Variants in DAPK1 observed in about 807,000 individuals in gnomAD.
DAPK1 encodes the protein death associated protein kinase 1, also known as death-associated protein kinase 1.
Under a neutral mutation model 144.9 loss-of-function variants are expected in DAPK1, and 56 were observed. The observed-to-expected ratio is 0.39, with a 90% CI of 0.31 to 0.48. The LOEUF is 0.48. Among genes scored for constraint, DAPK1 ranks in the 20% least tolerant of loss-of-function variants. DAPK1 has a pLI of 0.95. For synonymous variants in DAPK1, 690 were observed against 749.0 expected, an observed-to-expected ratio of 0.92 and a Z score of 1.29; for missense variants, 1,454 against 1,875.4, an observed-to-expected ratio of 0.78 and a Z score of 4.15.
chr9:87,546,428 C>T (rs1563985704), intron 2 of DAPK1, among the ~76,000 whole-genome samples: 1 of 152,052 alleles, frequency 6.6e-6, no homozygotes. Context: ...GGCATCTGAC[C>T]CTTGGTTGGT....
chr9:87,703,872 C>T (rs1825544217), intron 25 of DAPK1, among the ~76,000 whole-genome samples: 1 of 152,198 alleles, frequency 6.6e-6, no homozygotes, highest in African/African-American at 2.4e-5. Context: ...GGAACGGGGG[C>T]AGTGCCTTCG....
rs375229245 is a variant in DAPK1, at chr9:87,628,793, A to AT, written c.285-9149dup. Among the ~76,000 whole-genome samples, 403 of 152,312 alleles carry AT rather than the reference A, an allele frequency of 2.6e-3. 1 individual carries two copies. The highest frequency in any genetic ancestry group is 9.0e-3 in the African/African-American group (376 of 41,574). On this transcript the variant is annotated intron_variant, in intron 3 of 25. Coordinates refer to ENST00000408954, the MANE Select transcript of DAPK1 (RefSeq NM_004938.4). ...AAACCCCAAGGAGAGCACCAGATAT[A>AT]TATTTCTCATCCACATTTTTCTGAC...
At chr9:87,540,659 C>T (rs568973993) in intron 2 of DAPK1, among the ~76,000 whole-genome samples, 9 of 152,236 alleles carry the variant, frequency 5.9e-5, no homozygotes, top group South Asian at 4.1e-4. Context: ...TACGAGGTAA[C>T]CTTTTCCTGA....
At chr9:87,674,316 T>C (rs1824280447) in intron 19 of DAPK1, among the ~76,000 whole-genome samples, 1 of 151,910 alleles carries the variant, frequency 6.6e-6, no homozygotes, top group African/African-American at 2.4e-5. Context: ...CTGGCCAACA[T>C]GGTGAAACCC....
intron 2 of DAPK1, among the ~76,000 whole-genome samples, chr9:87,560,333 T>G (rs1017515284): frequency 3.3e-5 from 5 of 152,206 alleles, no homozygotes; most frequent in Admixed American, 2.6e-4. Flanking sequence ...AAAGTTTATT[T>G]TAATATGTGG....
intron 2 of DAPK1, among the ~76,000 whole-genome samples, chr9:87,566,003 C>G (rs936532809): frequency 2.0e-5 from 3 of 149,696 alleles, no homozygotes; most frequent in Admixed American, 6.7e-5. Flanking sequence ...AACCTTTTGT[C>G]TCTCTGTCTC....
chr9:87,636,029 A>T (rs1245667612), intron 3 of DAPK1, among the ~76,000 whole-genome samples: 1 of 152,172 alleles, frequency 6.6e-6, no homozygotes, highest in Non-Finnish European at 1.5e-5. Context: ...GTTTGTTTTA[A>T]GAATAAGATG....
chr9:87,512,174 C>T (rs1466957590), intron 2 of DAPK1, among the ~76,000 whole-genome samples: 1 of 152,248 alleles, frequency 6.6e-6, no homozygotes, highest in East Asian at 1.9e-4. Flanking sequence ...CCTCTCACCT[C>T]AGCCTCCTGC....
intron 7 of DAPK1, 148 bp from the exon 8 acceptor site, chr9:87,640,149 GA>G (rs1830045648): frequency 1.8e-5 from 15 of 816,982 alleles, no homozygotes; most frequent in Non-Finnish European, 2.6e-5. Flanking sequence ...ATTTGCTCCT[GA>G]CAGTTAAAGC....
intron 3 of DAPK1, chr9:87,632,244 G>T: frequency 1.0e-6 from 1 of 981,372 alleles, no homozygotes; most frequent in Non-Finnish European, 1.2e-6. Context: ...GGTATATATA[G>T]GAGTGAAGGG....
intron 21 of DAPK1, among the ~76,000 whole-genome samples, chr9:87,687,786 G>A (rs937100152): frequency 6.8e-6 from 1 of 146,992 alleles, no homozygotes; most frequent in African/African-American, 2.5e-5. Flanking sequence ...TCTTTTCTCT[G>A]CATCATTGCC....
At position 87,676,641 on chromosome 9, in the gene DAPK1, C is replaced by A. The variant is rs577594794; in HGVS notation, c.2002-4763C>A. Reference sequence around the variant, plus strand: ...TCAGCGCAGTTTCCTGGCCTCTCTTCCCAAAGACTTGGTGAAGGGTGAGTG... The same window carrying A: ...TCAGCGCAGTTTCCTGGCCTCTCTTACCAAAGACTTGGTGAAGGGTGAGTG... On this transcript the variant is annotated intron_variant, in intron 19 of 25. Transcript: ENST00000408954. Among the ~76,000 whole-genome samples, 8 of 152,356 alleles carry A rather than the reference C, an allele frequency of 5.3e-5. 1 individual carries two copies. In the South Asian group the frequency reaches 1.7e-3, roughly 32 times the overall value.
At chr9:87,537,695 C>G (rs888046895) in intron 2 of DAPK1, among the ~76,000 whole-genome samples, 1 of 151,998 alleles carries the variant, frequency 6.6e-6, no homozygotes, top group Non-Finnish European at 1.5e-5. Flanking sequence ...AGAATGCCAG[C>G]GAGGATGCAT....
At chr9:87,685,679 ACT>A (rs1370732728) in intron 20 of DAPK1, among the ~76,000 whole-genome samples, 3 of 152,024 alleles carry the variant, frequency 2.0e-5, no homozygotes, top group Admixed American at 6.6e-5. Flanking sequence ...GGGGACCCAG[ACT>A]CTGTTATTCA....
intron 2 of DAPK1, among the ~76,000 whole-genome samples, chr9:87,533,790 A>G (rs898836794): frequency 6.6e-6 from 1 of 152,048 alleles, no homozygotes; most frequent in Non-Finnish European, 1.5e-5. Flanking sequence ...AGCCTTCCGA[A>G]TATCTGGGAT....
chr9:87,561,201 T>G (rs948004851), intron 2 of DAPK1, among the ~76,000 whole-genome samples: 22 of 152,158 alleles, frequency 1.4e-4, no homozygotes, highest in Admixed American at 2.6e-4. Flanking sequence ...GAGTTGAGCC[T>G]TTATGCCCTC....
At chr9:87,526,821 T>C (rs777162327) in intron 2 of DAPK1, among the ~76,000 whole-genome samples, 6 of 152,202 alleles carry the variant, frequency 3.9e-5, no homozygotes, top group Non-Finnish European at 7.4e-5. Flanking sequence ...CTCTCCTCTC[T>C]CTGGTGAACA....
At chr9:87,595,892 A>G (rs1934577461) in intron 2 of DAPK1, among the ~76,000 whole-genome samples, 1 of 152,216 alleles carries the variant, frequency 6.6e-6, no homozygotes, top group African/African-American at 2.4e-5. Context: ...TGCTTGCTCT[A>G]CAAATCACAG....
intron 12 of DAPK1, 103 bp downstream of exon 12, chr9:87,646,117 T>C (rs1830258933): frequency 7.2e-7 from 1 of 1,388,148 alleles, no homozygotes. Flanking sequence ...TCCCTTCCAA[T>C]TGGAAGCTCC....
Sources: allele counts gnomAD v4.1 joint callset (sites outside exome capture counted in the v4.1 genomes callset), GRCh38; gene constraint gnomAD v4.1.1; transcripts MANE v1.5; gene names NCBI Gene and HGNC (gene_info 2026-07-23, HGNC 2026-07-21).